The following MSC variants were observed in gnomAD, a reference collection of about 807,000 sequenced individuals.
MSC encodes musculin.
A neutral mutation model predicts 14.4 loss-of-function variants in MSC; 16 were observed. That is an observed-to-expected ratio of 1.11 (90% CI 0.75 to 1.69). The LOEUF is 1.69. Among genes scored for constraint, MSC ranks in the 40% most tolerant of loss-of-function variants. MSC has a pLI of 0.00. For synonymous variants in MSC, 165 were observed against 128.5 expected, an observed-to-expected ratio of 1.28 and a Z score of -1.92; for missense variants, 320 against 288.1, an observed-to-expected ratio of 1.11 and a Z score of -0.80.
At position 71,843,918 on chromosome 8, in the gene MSC, C is replaced by A; in HGVS notation, c.261G>T (p.Ala87=). The A allele has an allele frequency of 1.3e-6, 2 of 1,579,460 alleles. No homozygotes were observed. Among genetic ancestry groups the A allele is most frequent in the African/African-American group, 2.7e-5 (2 of 74,108 alleles). ...GGAGGGGCTTCTTGCCACCACCGCC[C>A]GCGCTACCACCTGCGCCGCCGCCCC... ...VAGGGGAGGS[A]GGGGKKPLPA... The change falls in exon 1 of 2, where the codon GCG becomes GCT. Residue 87 remains alanine (A), a synonymous_variant. Coordinates refer to ENST00000325509, the MANE Select transcript of MSC (RefSeq NM_005098.4).
chr8:71,842,752 A>C lies in MSC; in HGVS notation c.535-5T>G. ...CGAGACCACGAATGGCCATGTCTGT[A>C]AATCAAAAAGAACGTGAGATATTAG... On this transcript the variant is annotated splice_polypyrimidine_tract_variant and splice_region_variant and intron_variant, in intron 1 of 1. Transcript: ENST00000325509. 6.2e-7 allele frequency: 1 copy of C among 1,613,720 alleles called. No individual in the cohort carries two copies. Among genetic ancestry groups the C allele is most frequent in the Non-Finnish European group, 8.5e-7 (1 of 1,179,666 alleles).
rs190926644 is a variant in MSC, at chr8:71,842,758, A to G, written c.535-11T>C. ...CACGAATGGCCATGTCTGTAAATCA[A>G]AAAGAACGTGAGATATTAGAGAGAA... On this transcript the variant is annotated splice_polypyrimidine_tract_variant and intron_variant, in intron 1 of 1. Transcript: ENST00000325509. 1.1e-5 allele frequency: 17 copies of G among 1,613,004 alleles called. No homozygotes were observed. The Admixed American group carries it at 2.7e-4, about 25-fold the overall frequency.
At position 71,844,398 on chromosome 8, in the gene MSC, A is replaced by G; in HGVS notation, c.-220T>C. On this transcript the variant is annotated 5_prime_UTR_variant, in exon 1 of 2. Coordinates refer to ENST00000325509, the MANE Select transcript of MSC (RefSeq NM_005098.4). ...GAGCGTGGACTACGAGTTGGCGCCC[A>G]AGTCCAGAATCCGCGCGCACCGCGG... is the stretch of plus-strand genomic sequence containing the variant. 1 of 725,148 alleles carries G rather than the reference A, an allele frequency of 1.4e-6. No homozygotes were observed. Among genetic ancestry groups the G allele is most frequent in the Non-Finnish European group, 2.5e-6 (1 of 408,082 alleles). 44.9% of individuals were successfully genotyped at this position (725,148 alleles called of 1,614,324 possible).
Position 71,844,169 on chromosome 8 carries a change from C to T in MSC, c.10G>A (p.Gly4Ser), listed in dbSNP as rs920237222. The T allele has an allele frequency of 7.7e-6, 12 of 1,561,718 alleles. No homozygotes were observed. In the Admixed American group the frequency reaches 1.9e-4, roughly 24 times the overall value. Residue 4 changes from glycine (G) to serine (S), a missense_variant, in exon 1 of 2, where the codon GGC becomes AGC. By Grantham distance (56) the Gly-to-Ser change is moderately conservative. Transcript: ENST00000325509. MST[G>S]SVSDPEEMEL... ...ATCTCCTCCGGATCACTCACCGAGCCCGTGGACATCCCGTTGTCCCCCTTG... is the reference window on the plus strand; with the variant it reads ...ATCTCCTCCGGATCACTCACCGAGCTCGTGGACATCCCGTTGTCCCCCTTG...
chr8:71,842,645 T>A lies in MSC; in HGVS notation c.*16A>T. On this transcript the variant is annotated 3_prime_UTR_variant, in exon 2 of 2. Coordinates refer to ENST00000325509, the MANE Select transcript of MSC (RefSeq NM_005098.4). ...GCATTTAACGAATAATCCCATCAAGTGAGTTCCAGTCCGATTTAAGCGGTG... is the reference window on the plus strand; with the variant it reads ...GCATTTAACGAATAATCCCATCAAGAGAGTTCCAGTCCGATTTAAGCGGTG... 4 of 1,611,846 alleles carry A rather than the reference T, an allele frequency of 2.5e-6. No individual in the cohort carries two copies. The highest frequency in any genetic ancestry group is 3.4e-6 in the Non-Finnish European group (4 of 1,177,962).
At chr8:71,843,357 A>G (rs1807433466) in intron 1 of MSC, 1 of 517,380 alleles carries the variant, frequency 1.9e-6, no homozygotes, top group East Asian at 3.6e-5. Flanking sequence ...CTGGTGGCAG[A>G]TGGAGATGGA....
At position 71,844,320 on chromosome 8, in the gene MSC, T is replaced by A; in HGVS notation, c.-142A>T. The A allele has an allele frequency of 8.0e-7, 1 of 1,255,162 alleles. No homozygotes were observed. The highest frequency in any genetic ancestry group is 1.1e-6 in the Non-Finnish European group (1 of 891,704). 77.8% of individuals were successfully genotyped at this position (1,255,162 alleles called of 1,614,324 possible). On this transcript the variant is annotated 5_prime_UTR_variant, in exon 1 of 2. Coordinates refer to ENST00000325509, the MANE Select transcript of MSC (RefSeq NM_005098.4). ...AAAACCCAGGCCGGGAAGCGCGGGG[T>A]GAGAAAGCGAGGTGGGTGGCGAGAG...
At position 71,842,815 on chromosome 8, in the gene MSC, C is replaced by T. The variant is rs867398054; in HGVS notation, c.535-68G>A. 7 of 1,358,948 alleles carry T rather than the reference C, an allele frequency of 5.2e-6. No homozygotes were observed. In the Admixed American group the frequency reaches 6.7e-5, roughly 13 times the overall value. The allele number at this position is 1,358,948 out of a possible 1,614,324, so 84.2% of individuals were successfully genotyped here. A position where few individuals can be genotyped will look rare whatever the true frequency, so the allele number is the denominator to read the frequency against. On this transcript the variant is annotated intron_variant, in intron 1 of 1. Transcript: ENST00000325509. ...GTCTCAAACCGAAACAGCTCTCCTA[C>T]GCGAACCCCAGATATTCCTGACTTG...
At position 71,844,068 on chromosome 8, in the gene MSC, G is replaced by C. The variant is rs1231353847; in HGVS notation, c.111C>G (p.Ser37Arg). The change falls in exon 1 of 2, where the codon AGC becomes AGG. Residue 37 changes from serine (S) to arginine (R), a missense_variant. Coordinates refer to ENST00000325509, the MANE Select transcript of MSC (RefSeq NM_005098.4). ...KRPPLRGVER[S>R]YASPSDNSSA... ...ACGAGTTGTCACTGGGCGAGGCGTAGCTGCGCTCTACGCCGCGGAGGGGCG... is the reference window on the plus strand; with the variant it reads ...ACGAGTTGTCACTGGGCGAGGCGTACCTGCGCTCTACGCCGCGGAGGGGCG... The C allele has an allele frequency of 6.5e-7, 1 of 1,527,494 alleles. No homozygotes were observed. The highest frequency in any genetic ancestry group is 8.8e-7 in the Non-Finnish European group (1 of 1,139,774). 94.6% of individuals were successfully genotyped at this position (1,527,494 alleles called of 1,614,324 possible).
Position 71,844,386 on chromosome 8 carries a change from G to C in MSC, c.-208C>G. On this transcript the variant is annotated 5_prime_UTR_variant, in exon 1 of 2. Coordinates refer to ENST00000325509, the MANE Select transcript of MSC (RefSeq NM_005098.4). The stretch of plus-strand genomic sequence containing the variant: ...GCTGACCCCGGGGAGCGTGGACTAC[G>C]AGTTGGCGCCCAAGTCCAGAATCCG... 1 of 751,300 alleles carries C rather than the reference G, an allele frequency of 1.3e-6. No homozygotes were observed. Among genetic ancestry groups the C allele is most frequent in the Non-Finnish European group, 2.3e-6 (1 of 431,614 alleles). 46.5% of individuals were successfully genotyped at this position (751,300 alleles called of 1,614,324 possible).
Position 71,843,640 on chromosome 8 carries a change from C to T in MSC, c.534+5G>A. 4 of 1,614,162 alleles carry T rather than the reference C, an allele frequency of 2.5e-6. No individual in the cohort carries two copies. Among genetic ancestry groups the T allele is most frequent in the Non-Finnish European group, 3.4e-6 (4 of 1,180,028 alleles). On this transcript the variant is annotated splice_donor_5th_base_variant and intron_variant, in intron 1 of 1. Coordinates refer to ENST00000325509, the MANE Select transcript of MSC (RefSeq NM_005098.4). ...CTCCCGAATCCTTGCGCGCCGCGCCCCTACCAGGTTCACTGGGTGCACGTA... is the reference window on the plus strand; with the variant it reads ...CTCCCGAATCCTTGCGCGCCGCGCCTCTACCAGGTTCACTGGGTGCACGTA...
Position 71,844,008 on chromosome 8 carries a change from C to CTCCTCCTCGCCGTCGGGG in MSC, c.153_170dup (p.Asp51_Glu56dup). ...TGCCGGCTGTGCCCAGAGCGCAGCGCTCCTCCTCGCCGTCGGGGTCCTCCT... is the reference window on the plus strand; with the variant it reads ...TGCCGGCTGTGCCCAGAGCGCAGCGCTCCTCCTCGCCGTCGGGGTCCTCCTCGCCGTCGGGGTCCTCCT... On this transcript the variant is annotated inframe_insertion, in exon 1 of 2. Transcript: ENST00000325509. 6.4e-7 allele frequency: 1 copy of CTCCTCCTCGCCGTCGGGG among 1,572,828 alleles called. No individual in the cohort carries two copies. The highest frequency in any genetic ancestry group is 1.1e-5 in the South Asian group (1 of 87,004).
chr8:71,844,196 CCA>C lies in MSC; in HGVS notation c.-20_-19del. On this transcript the variant is annotated 5_prime_UTR_variant, in exon 1 of 2. Coordinates refer to ENST00000325509, the MANE Select transcript of MSC (RefSeq NM_005098.4). The stretch of plus-strand genomic sequence containing the variant: ...GTGGACATCCCGTTGTCCCCCTTGC[CCA>C]CACGCGTCCTCTTTCCTCCCCCCTG... The C allele has an allele frequency of 6.3e-7, 1 of 1,593,198 alleles. No individual in the cohort carries two copies.
In MSC at chr8:71,843,746, T is replaced by G. The variant is rs780022525; in HGVS notation, c.433A>C (p.Lys145Gln). ...PWVPPDTKLS[K>Q]LDTLRLASSY... is the part of the protein sequence containing the mutation. Reference sequence around the variant, plus strand: ...GAAGCCAGCCGGAGCGTGTCCAGCTTGGAGAGCTTAGTGTCGGGGGGCACC... The same window carrying G: ...GAAGCCAGCCGGAGCGTGTCCAGCTGGGAGAGCTTAGTGTCGGGGGGCACC... The change falls in exon 1 of 2, where the codon AAG becomes CAG. Residue 145 changes from lysine (K) to glutamine (Q), a missense_variant. Transcript: ENST00000325509. The G allele has an allele frequency of 1.2e-6, 2 of 1,614,122 alleles. No individual in the cohort carries two copies. Among genetic ancestry groups the G allele is most frequent in the Non-Finnish European group, 1.7e-6 (2 of 1,180,014 alleles).
Position 71,844,131 on chromosome 8 carries a change from C to T in MSC, c.48G>A (p.Gly16=), listed in dbSNP as rs373037779. The T allele has an allele frequency of 5.9e-6, 9 of 1,527,394 alleles. No individual in the cohort carries two copies. Among genetic ancestry groups the T allele is most frequent in the African/African-American group, 2.8e-5 (2 of 72,322 alleles). The allele number at this position is 1,527,394 out of a possible 1,614,324, so 94.6% of individuals were successfully genotyped here. Residue 16 remains glycine, a synonymous_variant, in exon 1 of 2, where the codon GGG becomes GGA. Transcript: ENST00000325509. ...CGGGGACCGGGTACTCCCGCTGCAG[C>T]CCCCGAAGCTCCATCTCCTCCGGAT... The part of the protein sequence containing the change: ...VSDPEEMELR[G]LQREYPVPAS...
At position 71,843,877 on chromosome 8, in the gene MSC, G is replaced by T; in HGVS notation, c.302C>A (p.Ala101Asp). Residue 101 changes from alanine to aspartate, a missense_variant, in exon 1 of 2, where the codon GCC (alanine) becomes GAC (aspartate). Ala to Asp is a moderately radical substitution (Grantham distance 126, BLOSUM62 -2). Transcript: ENST00000325509. ...GKKPLPAKGS[A>D]AECKQSQRNA... ...CCGCTGCGACTGCTTGCACTCTGCG[G>T]CTGAGCCCTTGGCCGGGAGGGGCTT... is the stretch of plus-strand genomic sequence containing the variant. 2 of 1,609,502 alleles carry T rather than the reference G, an allele frequency of 1.2e-6. No homozygotes were observed. Among genetic ancestry groups the T allele is most frequent in the African/African-American group, 2.7e-5 (2 of 74,954 alleles).
chr8:71,843,564 G>A (rs777262618), intron 1 of MSC, 81 bp downstream of exon 1: 19 of 1,590,272 alleles, frequency 1.2e-5, no homozygotes, highest in Non-Finnish European at 1.6e-5. Flanking sequence ...TCTTCCCAAC[G>A]GGCTGACCCT....
chr8:71,844,191 C>G lies in MSC; in HGVS notation c.-13G>C, dbSNP rs1393715610. On this transcript the variant is annotated 5_prime_UTR_variant, in exon 1 of 2. Coordinates refer to ENST00000325509, the MANE Select transcript of MSC (RefSeq NM_005098.4). ...AGCCCGTGGACATCCCGTTGTCCCC[C>G]TTGCCCACACGCGTCCTCTTTCCTC... 6.3e-7 allele frequency: 1 copy of G among 1,589,586 alleles called. No homozygotes were observed. Among genetic ancestry groups the G allele is most frequent in the Non-Finnish European group, 8.6e-7 (1 of 1,166,824 alleles).
intron 1 of MSC, chr8:71,843,402 A>G (rs1226315012): frequency 1.6e-6 from 1 of 609,782 alleles, no homozygotes; most frequent in Non-Finnish European, 2.9e-6. Flanking sequence ...ATATTAGTCA[A>G]TGGCTGTCAC....
Sources: gnomAD v4.1 joint callset for allele counts on GRCh38, gnomAD v4.1.1 for gene constraint, MANE v1.5 for transcripts, NCBI Gene and HGNC (gene_info 2026-07-23, HGNC 2026-07-21) for gene names.